The following PTTG1IP variants were observed in gnomAD, a reference collection of about 807,000 sequenced individuals.
PTTG1IP encodes the protein PTTG1 interacting protein.
In PTTG1IP, 16 loss-of-function variants were observed where a neutral mutation model predicts 24.4. The observed-to-expected ratio is 0.66, with a 90% CI of 0.44 to 1.00. The LOEUF (loss-of-function observed/expected upper bound fraction) is 1.00. Ranked by LOEUF, PTTG1IP falls within the 50% of genes least tolerant of loss-of-function variation. PTTG1IP has a pLI of 0.00. For synonymous variants in PTTG1IP, 89 were observed against 96.8 expected, an observed-to-expected ratio of 0.92 and a Z score of 0.47; for missense variants, 241 against 245.8, an observed-to-expected ratio of 0.98 and a Z score of 0.13.
chr21:44,858,053 T>C (rs2838713), intron 3 of PTTG1IP, among the ~76,000 whole-genome samples: 11,489 of 152,210 alleles, frequency 0.075, 435 homozygotes, highest in Non-Finnish European at 0.088. Context: ...CCTGTCACAA[T>C]GGGAAACAAA....
At chr21:44,866,333 A>AAC (rs139772400) in intron 1 of PTTG1IP, among the ~76,000 whole-genome samples, 1,359 of 54,918 alleles carry the variant, frequency 0.025, 147 homozygotes, top group East Asian at 0.11. Context: ...CCAATCCCAT[A>AAC]ACACACACAC....
At chr21:44,853,250 A>G (rs970031093) in intron 5 of PTTG1IP, among the ~76,000 whole-genome samples, 5 of 152,172 alleles carry the variant, frequency 3.3e-5, no homozygotes, top group Non-Finnish European at 4.4e-5. Context: ...GCTCATGCCT[A>G]TAATCCCAGC....
At chr21:44,855,129 G>C in intron 5 of PTTG1IP, 81 bp downstream of exon 5, 2 of 1,429,044 alleles carry the variant, frequency 1.4e-6, no homozygotes, top group Non-Finnish European at 2.0e-6. Flanking sequence ...CCCATCTCAG[G>C]CCACACTGGC....
At chr21:44,861,626 G>C (rs1045846874) in intron 2 of PTTG1IP, 21 of 683,670 alleles carry the variant, frequency 3.1e-5, no homozygotes, top group East Asian at 2.4e-4. Flanking sequence ...GTTCTGCCTG[G>C]AGCACTCTCC....
chr21:44,868,416 G>T (rs986482466), intron 1 of PTTG1IP, among the ~76,000 whole-genome samples: 1 of 152,194 alleles, frequency 6.6e-6, no homozygotes, highest in Non-Finnish European at 1.5e-5. Context: ...CCCAGGTCGT[G>T]GTTTCTACGT....
chr21:44,872,524 C>G (rs1052313370), intron 1 of PTTG1IP, among the ~76,000 whole-genome samples: 1 of 152,202 alleles, frequency 6.6e-6, no homozygotes, highest in Non-Finnish European at 1.5e-5. Context: ...TAGTGGTCAC[C>G]TGGAAACTCC....
At chr21:44,873,327 C>CG (rs1358722844) in intron 1 of PTTG1IP, among the ~76,000 whole-genome samples, 175 bp downstream of exon 1, 1 of 152,148 alleles carries the variant, frequency 6.6e-6, no homozygotes, top group Non-Finnish European at 1.5e-5. Flanking sequence ...GCAGCTCCCG[C>CG]GGCCGCCAAA....
At chr21:44,853,002 G>A (rs1444507380) in intron 5 of PTTG1IP, among the ~76,000 whole-genome samples, 5 of 152,210 alleles carry the variant, frequency 3.3e-5, no homozygotes, top group Non-Finnish European at 7.3e-5. Flanking sequence ...CCACCAAAAT[G>A]GCAAGTGCAA....
intron 1 of PTTG1IP, among the ~76,000 whole-genome samples, chr21:44,873,196 C>G (rs868343026): frequency 6.6e-6 from 1 of 152,254 alleles, no homozygotes; most frequent in East Asian, 1.9e-4. Flanking sequence ...AGGTGCCAAG[C>G]GTCCCGCCTG....
At chr21:44,863,288 C>A (rs951507942) in intron 2 of PTTG1IP, among the ~76,000 whole-genome samples, 1 of 143,156 alleles carries the variant, frequency 7.0e-6, no homozygotes, top group Admixed American at 6.9e-5. Flanking sequence ...AGACACACAG[C>A]CCGCCACGGC....
At chr21:44,870,544 A>G (rs796654860) in intron 1 of PTTG1IP, among the ~76,000 whole-genome samples, 25 of 146,698 alleles carry the variant, frequency 1.7e-4, no homozygotes, top group African/African-American at 6.0e-4. Context: ...AAAAAAAAAA[A>G]AAAAGAAAGG....
chr21:44,851,359 G>C lies in PTTG1IP; in HGVS notation c.*222C>G. On this transcript the variant is annotated 3_prime_UTR_variant, in exon 6 of 6. Coordinates refer to ENST00000330938, the MANE Select transcript of PTTG1IP (RefSeq NM_004339.4). ...ACCCCAAAGATTTCTTATTTCAAGT[G>C]ACTAAATCTAGAAACAGAGATGAAC... The C allele has an allele frequency of 6.6e-7, 1 of 1,509,500 alleles. No homozygotes were observed. Among genetic ancestry groups the C allele is most frequent in the Non-Finnish European group, 8.9e-7 (1 of 1,125,114 alleles). The allele number at this position is 1,509,500 out of a possible 1,614,324, so 93.5% of individuals were successfully genotyped here.
In PTTG1IP at chr21:44,867,465, G is replaced by A. The variant is rs139672698; in HGVS notation, c.116-2018C>T. 1.8e-4 allele frequency among the ~76,000 whole-genome samples: 28 copies of A among 152,350 alleles called. No individual in the cohort carries two copies. The East Asian group carries it at 5.0e-3, about 27-fold the overall frequency. The stretch of plus-strand genomic sequence containing the variant: ...TGGGGGAGGCTGAATCTTCCAGATC[G>A]AGGGTCTGTCTCGGTCGCGGCTATG... On this transcript the variant is annotated intron_variant, in intron 1 of 5. Coordinates refer to ENST00000330938, the MANE Select transcript of PTTG1IP (RefSeq NM_004339.4).
chr21:44,866,422 T>TC (rs2083539189), intron 1 of PTTG1IP, among the ~76,000 whole-genome samples: 1 of 24,892 alleles, frequency 4.0e-5, no homozygotes, highest in Non-Finnish European at 7.1e-5. Context: ...TCCAATCCCA[T>TC]AACACACACA....
chr21:44,858,737 A>G (rs1271221854), intron 3 of PTTG1IP, among the ~76,000 whole-genome samples: 1 of 152,198 alleles, frequency 6.6e-6, no homozygotes, highest in Non-Finnish European at 1.5e-5. Context: ...ATTTCACAAG[A>G]GAATTGTCAA....
At chr21:44,873,357 G>T in intron 1 of PTTG1IP, 145 bp downstream of exon 1, 1 of 824,862 alleles carries the variant, frequency 1.2e-6, no homozygotes, top group Non-Finnish European at 1.6e-6. Context: ...CCCTCGAGGA[G>T]CCTCCGTCGG....
chr21:44,852,944 C>A (rs1262740585), intron 5 of PTTG1IP, among the ~76,000 whole-genome samples: 1 of 152,186 alleles, frequency 6.6e-6, no homozygotes, highest in African/African-American at 2.4e-5. Flanking sequence ...TTATTACAAA[C>A]TGGCACAAAA....
chr21:44,864,301 C>T (rs1235240151), intron 2 of PTTG1IP, among the ~76,000 whole-genome samples: 2 of 152,250 alleles, frequency 1.3e-5, no homozygotes, highest in Admixed American at 6.5e-5. Context: ...CCAAGAGCTG[C>T]GTGGCAAGGC....
At chr21:44,870,826 C>A (rs1302227952) in intron 1 of PTTG1IP, among the ~76,000 whole-genome samples, 3 of 152,200 alleles carry the variant, frequency 2.0e-5, no homozygotes, top group Admixed American at 6.5e-5. Flanking sequence ...ACAACAACAA[C>A]AAATAACGTT....
Sources: allele counts gnomAD v4.1 joint callset (sites outside exome capture counted in the v4.1 genomes callset), GRCh38; gene constraint gnomAD v4.1.1; transcripts MANE v1.5; gene names NCBI Gene and HGNC (gene_info 2026-07-23, HGNC 2026-07-21).